The following ZNF423 variants were observed in gnomAD, a reference collection of about 807,000 sequenced individuals.
ZNF423 encodes the protein zinc finger protein 423.
In ZNF423, 12 loss-of-function variants were observed where a neutral mutation model predicts 95.8. The observed-to-expected ratio is 0.13, with a 90% CI of 0.08 to 0.20. The LOEUF is 0.20. Among genes scored for constraint, ZNF423 ranks in the 10% least tolerant of loss-of-function variants. The pLI, the probability that ZNF423 is intolerant of heterozygous loss-of-function variation, is 1.00. For missense variants in ZNF423, 1,316 were observed against 1,737.1 expected (o/e 0.76, Z 4.31); for synonymous variants, 749 against 711.9 (o/e 1.05, Z -0.83).
At chr16:49,690,802 C>CATCCCA (rs2031749975) in intron 3 of ZNF423, among the ~76,000 whole-genome samples, 1 of 152,174 alleles carries the variant, frequency 6.6e-6, no homozygotes, top group South Asian at 2.1e-4. Flanking sequence ...CAACAGGAGT[C>CATCCCA]ACTGGAGGAT....
At chr16:49,494,660 T>C (rs933608) in intron 7 of ZNF423, among the ~76,000 whole-genome samples, 150,396 of 152,338 alleles carry the variant, frequency 0.99, 74,241 homozygotes, top group East Asian at 1. Context: ...AAGGAGGGCA[T>C]TGGCTCCTCC....
At chr16:49,821,521 G>C (rs185202520) in intron 1 of ZNF423, among the ~76,000 whole-genome samples, 1 of 152,158 alleles carries the variant, frequency 6.6e-6, no homozygotes, top group Admixed American at 6.5e-5. Context: ...ACCTGGGCTC[G>C]AGGCGTGGTC....
Position 49,637,993 on chromosome 16 carries a change from T to C in ZNF423, c.1183A>G (p.Thr395Ala), listed in dbSNP as rs1420875845. The change falls in exon 4 of 8, where the codon ACC becomes GCC. Residue 395 changes from threonine (T) to alanine (A), a missense_variant. Thr to Ala is a moderately conservative substitution (Grantham distance 58, BLOSUM62 0). Transcript: ENST00000563137. This position sits in a 1 kb window ranked among gnomAD's most constrained non-coding sequence, Gnocchi z 5.6. ...TTCTGCCCCCGCAGCGGCTTCAAGG[T>C]GGAGTCCGGGGTGGAGCCACGCTCC... is the stretch of plus-strand genomic sequence containing the variant. The part of the protein sequence containing the change: ...SVERGSTPDS[T>A]LKPLRGQKKM... 1.2e-6 allele frequency: 2 copies of C among 1,613,878 alleles called. No homozygotes were observed. The highest frequency in any genetic ancestry group is 1.7e-6 in the Non-Finnish European group (2 of 1,180,022).
intron 5 of ZNF423, among the ~76,000 whole-genome samples, chr16:49,609,210 T>C (rs1469773443): frequency 4.6e-5 from 7 of 152,140 alleles, no homozygotes; most frequent in East Asian, 1.9e-4. Flanking sequence ...CAAGATGGCA[T>C]CTGCACCCCT....
At chr16:49,524,700 C>T (rs567794806) in intron 6 of ZNF423, among the ~76,000 whole-genome samples, 9 of 152,234 alleles carry the variant, frequency 5.9e-5, no homozygotes, top group African/African-American at 1.7e-4. Context: ...TCCTGCCAGG[C>T]GTCCTCCCCA....
At chr16:49,838,519 C>T (rs1401757882) in intron 1 of ZNF423, among the ~76,000 whole-genome samples, 1 of 152,204 alleles carries the variant, frequency 6.6e-6, no homozygotes, top group Non-Finnish European at 1.5e-5. Context: ...CACTCGCCTT[C>T]CCCCAGCCCC....
chr16:49,527,060 C>G (rs1249671434), intron 5 of ZNF423, among the ~76,000 whole-genome samples: 1 of 152,186 alleles, frequency 6.6e-6, no homozygotes, highest in Non-Finnish European at 1.5e-5. Context: ...GGCTGAGGCT[C>G]CTGGCGAGTC....
chr16:49,670,638 G>T (rs543640263), intron 3 of ZNF423, among the ~76,000 whole-genome samples: 32 of 151,962 alleles, frequency 2.1e-4, no homozygotes, highest in African/African-American at 7.0e-4. Flanking sequence ...TCTCGGGGAC[G>T]CCTCTGTTGG....
At chr16:49,611,963 C>T (rs1333691340) in intron 5 of ZNF423, among the ~76,000 whole-genome samples, 1 of 151,908 alleles carries the variant, frequency 6.6e-6, no homozygotes, top group Non-Finnish European at 1.5e-5. Context: ...TTTGAATAGT[C>T]CTATTCTATT....
chr16:49,569,228 T>C (rs964506616), intron 5 of ZNF423, among the ~76,000 whole-genome samples: 2 of 152,228 alleles, frequency 1.3e-5, no homozygotes, highest in Non-Finnish European at 2.9e-5. Flanking sequence ...AGGATGAGCC[T>C]GTCCTATCAC....
intron 3 of ZNF423, among the ~76,000 whole-genome samples, chr16:49,653,311 CAAAA>C (rs5816652): frequency 1.0e-5 from 1 of 99,198 alleles, no homozygotes. Context: ...CAAGAACCAC[CAAAA>C]AAAAAAAAAA....
intron 2 of ZNF423, among the ~76,000 whole-genome samples, chr16:49,776,536 C>A (rs146420897): frequency 5.3e-5 from 8 of 152,352 alleles, no homozygotes; most frequent in South Asian, 2.1e-4. Context: ...AAGCTTCCCC[C>A]CAACCTGCAG....
At chr16:49,506,658 T>G (rs961155650) in intron 7 of ZNF423, among the ~76,000 whole-genome samples, 20 of 150,558 alleles carry the variant, frequency 1.3e-4, no homozygotes, top group African/African-American at 4.9e-4. Flanking sequence ...TGGACAGATG[T>G]ATGGATGGAT....
At chr16:49,622,874 A>G (rs946561591) in intron 5 of ZNF423, among the ~76,000 whole-genome samples, 2 of 152,094 alleles carry the variant, frequency 1.3e-5, no homozygotes, top group Non-Finnish European at 2.9e-5. Flanking sequence ...TCCTTATTCA[A>G]TGTGACCTCT....
intron 3 of ZNF423, among the ~76,000 whole-genome samples, chr16:49,691,760 C>T (rs1374066125): frequency 1.3e-5 from 2 of 151,664 alleles, no homozygotes; most frequent in Non-Finnish European, 2.9e-5. Flanking sequence ...GGATCCTCAA[C>T]GTTCACAAGT....
rs780785457 is a variant in ZNF423 at position 49,730,845 on chromosome 16, G to T, written c.227C>A (p.Thr76Asn). 2 of 1,614,138 alleles carry T rather than the reference G, an allele frequency of 1.2e-6. No individual in the cohort carries two copies. Among genetic ancestry groups the T allele is most frequent in the Non-Finnish European group, 1.7e-6 (2 of 1,180,026 alleles). Residue 76 changes from threonine to asparagine, a missense_variant, in exon 3 of 8, where the codon ACC (threonine) becomes AAC (asparagine). Thr to Asn is a moderately conservative substitution (Grantham distance 65, BLOSUM62 0). Coordinates refer to ENST00000563137, the MANE Select transcript of ZNF423 (RefSeq NM_001379286.1). ...DEDMEDESIY[T>N]CDHCQQDFES... ...GAAGTCCTGCTGACAGTGATCGCAG[G>T]TGTAAATTGATTCATCCTCCATGTC...
intron 2 of ZNF423, among the ~76,000 whole-genome samples, chr16:49,733,161 T>C (rs1202378736): frequency 6.6e-6 from 1 of 152,048 alleles, no homozygotes; most frequent in Non-Finnish European, 1.5e-5. Context: ...CAACCATGGT[T>C]ACACAGTCAA....
chr16:49,534,335 C>T (rs773624236), intron 5 of ZNF423, among the ~76,000 whole-genome samples: 10 of 151,980 alleles, frequency 6.6e-5, no homozygotes, highest in Non-Finnish European at 1.2e-4. Context: ...CTCACTGCAA[C>T]CTCCATCTCC....
At chr16:49,775,424 A>G (rs1036698180) in intron 2 of ZNF423, among the ~76,000 whole-genome samples, 1 of 152,078 alleles carries the variant, frequency 6.6e-6, no homozygotes, top group African/African-American at 2.4e-5. Flanking sequence ...CTATTATTTG[A>G]GCTCCCCACT....
Sources: allele counts gnomAD v4.1 joint callset (sites outside exome capture counted in the v4.1 genomes callset), GRCh38; gene constraint gnomAD v4.1.1; non-coding constraint Gnocchi (gnomAD v3.1); transcripts MANE v1.5; gene names NCBI Gene and HGNC (gene_info 2026-07-23, HGNC 2026-07-21).